The following NSUN3 variants were observed in gnomAD, a reference collection of about 807,000 sequenced individuals.
NSUN3 encodes the protein tRNA (cytosine(34)-C(5))-methyltransferase, mitochondrial.
A neutral mutation model predicts 36.8 loss-of-function variants in NSUN3; 24 were observed. That is an observed-to-expected ratio of 0.65 (90% CI 0.47 to 0.92). NSUN3 has a LOEUF of 0.92. Ranked by LOEUF, NSUN3 falls within the 40% of genes least tolerant of loss-of-function variation. NSUN3 has a pLI of 0.00. For synonymous variants in NSUN3, 146 were observed against 145.2 expected, an observed-to-expected ratio of 1.01 and a Z score of -0.04; for missense variants, 381 against 392.8, an observed-to-expected ratio of 0.97 and a Z score of 0.25.
rs150221151 is a variant in NSUN3, at chr3:94,125,815, C to G, written c.744-396C>G. Among the ~76,000 whole-genome samples, 5 of 152,284 alleles carry G rather than the reference C, an allele frequency of 3.3e-5. No homozygotes were observed. The East Asian group carries it at 9.6e-4, about 29-fold the overall frequency. ...GTGGCTCACGCCTGTAATCCCAACACTTTGGGAGGCTAAAGCAGGCGATCA... is the reference window on the plus strand; with the variant it reads ...GTGGCTCACGCCTGTAATCCCAACAGTTTGGGAGGCTAAAGCAGGCGATCA... On this transcript the variant is annotated intron_variant, in intron 5 of 5. Transcript: ENST00000314622.
intron 5 of NSUN3, among the ~76,000 whole-genome samples, chr3:94,097,272 C>G (rs2077345608): frequency 6.6e-6 from 1 of 152,128 alleles, no homozygotes; most frequent in Non-Finnish European, 1.5e-5. Flanking sequence ...GCTTTCTTCT[C>G]AGAGTTAACT....
chr3:94,083,249 G>T (rs1356288759), intron 2 of NSUN3, among the ~76,000 whole-genome samples: 1 of 152,084 alleles, frequency 6.6e-6, no homozygotes, highest in East Asian at 1.9e-4. Flanking sequence ...ACTGCAAGTT[G>T]TCCAGGTTCT....
intron 2 of NSUN3, chr3:94,076,462 A>C: frequency 1.3e-6 from 1 of 787,842 alleles, no homozygotes; most frequent in Admixed American, 1.7e-5. Flanking sequence ...ACAGAGACTT[A>C]TGGAACAGAT....
In NSUN3 at chr3:94,126,219, T is replaced by C. The variant is rs1196727153; in HGVS notation, c.752T>C (p.Ile251Thr). 6.2e-7 allele frequency: 1 copy of C among 1,611,228 alleles called. No homozygotes were observed. Among genetic ancestry groups the C allele is most frequent in the Admixed American group, 1.7e-5 (1 of 59,900 alleles). Residue 251 changes from isoleucine (I) to threonine (T), a missense_variant, in exon 6 of 6, where the codon ATT becomes ACT. Physicochemically the swap from Ile to Thr is moderately conservative, Grantham distance 89. Coordinates refer to ENST00000314622, the MANE Select transcript of NSUN3 (RefSeq NM_022072.5). ...TTTCTGATTGCACACAGGTCTGCAA[T>C]TAAGGCCTTACGTCCTGGAGGGATA... Reference protein sequence around the residue: ...LLQIELLRSAIKALRPGGILV... With the variant: ...LLQIELLRSATKALRPGGILV...
chr3:94,102,202 TAA>T (rs5850923), intron 5 of NSUN3, among the ~76,000 whole-genome samples: 43 of 101,564 alleles, frequency 4.2e-4, no homozygotes, highest in Admixed American at 1.0e-3. Context: ...AAAGAAACGT[TAA>T]AAAAAAAAAA....
intron 5 of NSUN3, among the ~76,000 whole-genome samples, chr3:94,114,307 G>C (rs931303847): frequency 6.6e-6 from 1 of 151,916 alleles, no homozygotes; most frequent in African/African-American, 2.4e-5. Flanking sequence ...GGCAGTCTTC[G>C]TGCTGCTTTA....
Position 94,075,964 on chromosome 3 carries a change from G to A in NSUN3, c.123-8143G>A, listed in dbSNP as rs571196701. 2.0e-5 allele frequency: 31 copies of A among 1,555,898 alleles called. No homozygotes were observed. In the East Asian group the frequency reaches 4.9e-4, roughly 25 times the overall value. On this transcript the variant is annotated intron_variant, in intron 2 of 5. Transcript: ENST00000314622. ...CTTCAGGGTCTTCATCATTATAAAT[G>A]TTCTCTGCCATTTGCCACACTTGCA...
intron 5 of NSUN3, among the ~76,000 whole-genome samples, chr3:94,102,217 A>AT (rs1438087015): frequency 6.6e-6 from 1 of 151,252 alleles, no homozygotes; most frequent in East Asian, 1.9e-4. Flanking sequence ...AAAAAAAAAA[A>AT]AAAAAAAACA....
intron 2 of NSUN3, among the ~76,000 whole-genome samples, chr3:94,078,547 T>G (rs1349075924): frequency 6.6e-6 from 1 of 152,186 alleles, no homozygotes; most frequent in Non-Finnish European, 1.5e-5. Flanking sequence ...TGTTAAAGTC[T>G]CCCACTATTA....
chr3:94,097,605 T>C (rs2077348339), intron 5 of NSUN3, among the ~76,000 whole-genome samples: 1 of 152,202 alleles, frequency 6.6e-6, no homozygotes, highest in Non-Finnish European at 1.5e-5. Flanking sequence ...GAAGTAGAAC[T>C]GAGGATCAAA....
chr3:94,094,181 T>A lies in NSUN3; in HGVS notation c.508T>A (p.Trp170Arg), dbSNP rs774133094. Reference protein sequence around the residue: ...CNEYDSLRLRWLRQTLESFIP... With the variant: ...CNEYDSLRLRRLRQTLESFIP... The stretch of plus-strand genomic sequence containing the variant: ...TGAATATGATAGTCTGAGATTGAGG[T>A]GGCTAAGGCAGACGTTGGAATCTTT... The change falls in exon 4 of 6, where the codon TGG becomes AGG. Residue 170 changes from tryptophan (W) to arginine (R), a missense_variant. By Grantham distance (101) the Trp-to-Arg change is moderately radical. Coordinates refer to ENST00000314622, the MANE Select transcript of NSUN3 (RefSeq NM_022072.5). 1 of 1,612,574 alleles carries A rather than the reference T, an allele frequency of 6.2e-7. No individual in the cohort carries two copies. Among genetic ancestry groups the A allele is most frequent in the South Asian group, 1.1e-5 (1 of 90,894 alleles).
chr3:94,069,757 CT>C (rs2077218078), intron 2 of NSUN3, among the ~76,000 whole-genome samples: 1 of 152,084 alleles, frequency 6.6e-6, no homozygotes, highest in African/African-American at 2.4e-5. Flanking sequence ...TTCAGAGAGC[CT>C]TGAATCAGAA....
intron 5 of NSUN3, among the ~76,000 whole-genome samples, chr3:94,113,622 TC>T (rs1365413051): frequency 6.6e-6 from 1 of 152,164 alleles, no homozygotes; most frequent in African/African-American, 2.4e-5. Flanking sequence ...GAAGAAAGTT[TC>T]ATGAAGTTGA....
intron 2 of NSUN3, among the ~76,000 whole-genome samples, chr3:94,071,050 A>G (rs1237596582): frequency 6.6e-6 from 1 of 152,244 alleles, no homozygotes; most frequent in Admixed American, 6.5e-5. Flanking sequence ...AAAAAACACA[A>G]AATAGGCATA....
intron 5 of NSUN3, among the ~76,000 whole-genome samples, chr3:94,117,308 TA>T (rs1164932966): frequency 6.6e-6 from 1 of 152,010 alleles, no homozygotes; most frequent in Non-Finnish European, 1.5e-5. Context: ...CCTCACAACT[TA>T]ATTTTTAAAA....
intron 5 of NSUN3, among the ~76,000 whole-genome samples, chr3:94,113,940 A>T (rs1425164069): frequency 6.6e-6 from 1 of 152,172 alleles, no homozygotes; most frequent in East Asian, 1.9e-4. Context: ...AAAAGTTTCA[A>T]ATTATGTCTC....
chr3:94,090,388 A>C (rs1236531207), intron 3 of NSUN3, among the ~76,000 whole-genome samples: 1 of 152,292 alleles, frequency 6.6e-6, no homozygotes, highest in African/African-American at 2.4e-5. Context: ...GCTGGAAGCT[A>C]TTTTAAAATG....
Position 94,104,970 on chromosome 3 carries a change from T to A in NSUN3, c.743+9816T>A, listed in dbSNP as rs553569200. ...GTTTAACATCTTTTTTTCTTAATAA[T>A]TTGAAAAGCTTTTAATGGATATTTT... is the stretch of plus-strand genomic sequence containing the variant. On this transcript the variant is annotated intron_variant, in intron 5 of 5. Transcript: ENST00000314622. Among the ~76,000 whole-genome samples, 46 of 152,314 alleles carry A rather than the reference T, an allele frequency of 3.0e-4. 1 individual carries two copies. Among genetic ancestry groups the A allele is most frequent in the African/African-American group, 1.1e-3 (46 of 41,580 alleles).
intron 5 of NSUN3, among the ~76,000 whole-genome samples, chr3:94,107,738 G>A (rs760416876): frequency 6.6e-5 from 10 of 151,864 alleles, no homozygotes; most frequent in Non-Finnish European, 1.0e-4. Context: ...GGTATTTTGG[G>A]GACACCATAT....
Sources: gnomAD v4.1 joint callset for allele counts (sites outside exome capture counted in the v4.1 genomes callset) on GRCh38, gnomAD v4.1.1 for gene constraint, MANE v1.5 for transcripts, NCBI Gene and HGNC (gene_info 2026-07-23, HGNC 2026-07-21) for gene names.